SUMO2: variants seen among roughly 807,000 people sequenced by gnomAD.
The protein encoded by SUMO2 is small ubiquitin-related modifier 2.
SUMO2 carries 1 observed loss-of-function variant against 16.0 expected under a neutral mutation model. The ratio of observed to expected loss-of-function variants is 0.06; its 90% CI spans 0.02 to 0.30. SUMO2 has a LOEUF of 0.30. SUMO2 is among the 10% of genes least tolerant of loss of function. SUMO2 has a pLI of 1.00. For synonymous variants in SUMO2, 36 were observed against 40.6 expected, an observed-to-expected ratio of 0.89 and a Z score of 0.43; for missense variants, 16 against 117.5, an observed-to-expected ratio of 0.14 and a Z score of 3.99.
At chr17:75,168,545 T>C (rs1485384496) in intron 3 of SUMO2, 144 bp from the exon 4 acceptor site, 2 of 653,762 alleles carry the variant, frequency 3.1e-6, no homozygotes, top group Admixed American at 7.0e-5. Context: ...GCTTAATGTA[T>C]CAACACACTT....
intron 2 of SUMO2, among the ~76,000 whole-genome samples, chr17:75,176,738 ATTAC>A (rs2074785258): frequency 6.6e-6 from 1 of 152,256 alleles, no homozygotes; most frequent in African/African-American, 2.4e-5. Flanking sequence ...CAAATCTGTA[ATTAC>A]TTACTGTCTT....
Position 75,167,362 on chromosome 17 carries a change from C to G in SUMO2, c.*977G>C, listed in dbSNP as rs923275153. 6.6e-6 allele frequency: 1 copy of G among 151,962 alleles called. No homozygotes were observed. Among genetic ancestry groups the G allele is most frequent in the African/African-American group, 2.4e-5 (1 of 41,362 alleles). The allele number at this position is 151,962 out of a possible 1,614,324, so 9.4% of individuals were successfully genotyped here. A position where few individuals can be genotyped will look rare whatever the true frequency, so the allele number is the denominator to read the frequency against. ...AGGGAGTATTTACTTATGATAAGTG[C>G]AGGCTAGAATGGTTCAGTGTTTTAT... On this transcript the variant is annotated 3_prime_UTR_variant, in exon 4 of 4. Transcript: ENST00000420826.
In SUMO2 at chr17:75,181,977, C is replaced by CG. The variant is rs567293884; in HGVS notation, c.22-790dup. Among the ~76,000 whole-genome samples the CG allele has an allele frequency of 8.1e-3, 1,235 of 151,790 alleles. 6 individuals carry two copies. The highest frequency in any genetic ancestry group is 0.017 in the Middle Eastern group (5 of 292). On this transcript the variant is annotated intron_variant, in intron 1 of 3. Coordinates refer to ENST00000420826, the MANE Select transcript of SUMO2 (RefSeq NM_006937.4). ...CTCCAGAAAGTAAAGGCGCGGGAGG[C>CG]GGGGGGTGCCACCAAACTAAAAGCA...
chr17:75,182,782 C>A (rs751339120), intron 1 of SUMO2, 32 bp downstream of exon 1: 34 of 1,331,674 alleles, frequency 2.6e-5, no homozygotes, highest in Admixed American at 1.4e-4. Context: ...CCCCACCGCG[C>A]GGCGAGGCGA....
rs955635021 is a variant in SUMO2 at position 75,166,566 on chromosome 17, A to T, written c.*1773T>A. On this transcript the variant is annotated 3_prime_UTR_variant, in exon 4 of 4. Transcript: ENST00000420826. ...CACATTGGGAGGCTAAGGCAGATAG[A>T]TCACTTAAGATCAGGGGTTTGAGCC... 3 of 152,214 alleles carry T rather than the reference A, an allele frequency of 2.0e-5. No individual in the cohort carries two copies. Among genetic ancestry groups the T allele is most frequent in the African/African-American group, 7.2e-5 (3 of 41,462 alleles). The allele number at this position is 152,214 out of a possible 1,614,324, so 9.4% of individuals were successfully genotyped here.
intron 3 of SUMO2, among the ~76,000 whole-genome samples, chr17:75,173,674 G>C (rs907918519): frequency 6.6e-6 from 1 of 151,930 alleles, no homozygotes; most frequent in African/African-American, 2.4e-5. Flanking sequence ...AGAGGGTTTT[G>C]CCATGTTGCC....
In SUMO2 at chr17:75,182,836, G is replaced by A; in HGVS notation, c.-2C>T. 7.1e-7 allele frequency: 1 copy of A among 1,409,138 alleles called. No homozygotes were observed. The highest frequency in any genetic ancestry group is 9.3e-7 in the Non-Finnish European group (1 of 1,074,696). 87.3% of individuals were successfully genotyped at this position (1,409,138 alleles called of 1,614,324 possible). ...CACCTTGGGCTTTTCGTCGGCCATG[G>A]CGAGCGCCGGAGTCTCCTCAGCTGC... On this transcript the variant is annotated 5_prime_UTR_variant, in exon 1 of 4. Transcript: ENST00000420826.
rs888734747 is a variant in SUMO2 at position 75,179,025 on chromosome 17, C to G, written c.153+2032G>C. On this transcript the variant is annotated intron_variant, in intron 2 of 3. Coordinates refer to ENST00000420826, the MANE Select transcript of SUMO2 (RefSeq NM_006937.4). ...GACTGGTCTTCCAGCCTTGGCCTCC[C>G]AAAGTGCTGGATTACCACGCCCAGC... is the stretch of plus-strand genomic sequence containing the variant. Among the ~76,000 whole-genome samples the G allele has an allele frequency of 2.1e-4, 32 of 152,130 alleles. 1 individual carries two copies. Among genetic ancestry groups the G allele is most frequent in the African/African-American group, 7.7e-4 (32 of 41,430 alleles).
chr17:75,182,686 T>A (rs2074839283), intron 1 of SUMO2, 128 bp downstream of exon 1: 1 of 769,026 alleles, frequency 1.3e-6, no homozygotes, highest in African/African-American at 1.9e-5. Flanking sequence ...CGCCCGGGCC[T>A]GAGCCGCGGC....
In SUMO2 at chr17:75,174,842, G is replaced by A. The variant is rs1156453265; in HGVS notation, c.154-19C>T. The A allele has an allele frequency of 1.9e-6, 3 of 1,604,404 alleles. No individual in the cohort carries two copies. Among genetic ancestry groups the A allele is most frequent in the African/African-American group, 2.7e-5 (2 of 74,616 alleles). On this transcript the variant is annotated intron_variant, in intron 2 of 3. Coordinates refer to ENST00000420826, the MANE Select transcript of SUMO2 (RefSeq NM_006937.4). ...ACAATCCCTGAACGAGAATTTAAAAGCAATAAACAGCATTAAGAGAAACAG... is the reference window on the plus strand; with the variant it reads ...ACAATCCCTGAACGAGAATTTAAAAACAATAAACAGCATTAAGAGAAACAG...
At chr17:75,182,448 G>T (rs1397198467) in intron 1 of SUMO2, 1 of 171,846 alleles carries the variant, frequency 5.8e-6, no homozygotes, top group Non-Finnish European at 1.2e-5. Flanking sequence ...CCGACGCGGG[G>T]TCGACAGAAG....
At chr17:75,171,223 G>A (rs1052967520) in intron 3 of SUMO2, among the ~76,000 whole-genome samples, 10 of 151,668 alleles carry the variant, frequency 6.6e-5, no homozygotes, top group South Asian at 4.2e-4. Flanking sequence ...TCTGCCTCCC[G>A]GGTCAAGCAA....
intron 3 of SUMO2, among the ~76,000 whole-genome samples, chr17:75,172,031 G>C (rs1005872739): frequency 2.0e-5 from 3 of 146,720 alleles, no homozygotes; most frequent in African/African-American, 5.1e-5. Flanking sequence ...TTTTTTGACA[G>C]GGTTTCACTC....
In SUMO2 at chr17:75,179,400, C is replaced by G. The variant is rs753285808; in HGVS notation, c.153+1657G>C. ...AAAATTAGCTGGGCGTGGTGGCGTGCGCCCGTAGTCCCACCTACTCGGGAG... is the reference window on the plus strand; with the variant it reads ...AAAATTAGCTGGGCGTGGTGGCGTGGGCCCGTAGTCCCACCTACTCGGGAG... On this transcript the variant is annotated intron_variant, in intron 2 of 3. Coordinates refer to ENST00000420826, the MANE Select transcript of SUMO2 (RefSeq NM_006937.4). 2.0e-5 allele frequency among the ~76,000 whole-genome samples: 3 copies of G among 151,908 alleles called. No homozygotes were observed. In the East Asian group the frequency reaches 5.8e-4, roughly 30 times the overall value.
At chr17:75,169,617 T>C (rs902256729) in intron 3 of SUMO2, among the ~76,000 whole-genome samples, 8 of 150,966 alleles carry the variant, frequency 5.3e-5, no homozygotes, top group African/African-American at 1.7e-4. Context: ...TCTCCTGACC[T>C]CATGATCCAC....
At chr17:75,172,934 G>C (rs572911305) in intron 3 of SUMO2, among the ~76,000 whole-genome samples, 62 of 152,232 alleles carry the variant, frequency 4.1e-4, no homozygotes, top group African/African-American at 1.4e-3. Context: ...AATTCCTTTT[G>C]AGAGACTGTC....
chr17:75,168,944 G>A (rs992949533), intron 3 of SUMO2, among the ~76,000 whole-genome samples: 1 of 151,742 alleles, frequency 6.6e-6, no homozygotes, highest in Non-Finnish European at 1.5e-5. Context: ...TATTAGCCAG[G>A]TGCGGTGGCT....
intron 3 of SUMO2, among the ~76,000 whole-genome samples, chr17:75,170,495 G>A (rs895162747): frequency 9.9e-5 from 15 of 152,134 alleles, no homozygotes; most frequent in Admixed American, 3.9e-4. Flanking sequence ...ACTTGAACCC[G>A]TGAAGTGGAG....
intron 3 of SUMO2, among the ~76,000 whole-genome samples, chr17:75,171,583 C>T (rs79694832): frequency 0.016 from 2,394 of 152,096 alleles, 32 homozygotes; most frequent in South Asian, 0.026. Flanking sequence ...TTATCACAAT[C>T]CTGCTATCTA....
Sources: allele counts gnomAD v4.1 joint callset (sites outside exome capture counted in the v4.1 genomes callset), GRCh38; gene constraint gnomAD v4.1.1; transcripts MANE v1.5; gene names NCBI Gene and HGNC (gene_info 2026-07-23, HGNC 2026-07-21).